The following AGAP1 variants were observed in gnomAD, a reference collection of about 807,000 sequenced individuals.
The protein encoded by AGAP1 is ArfGAP with GTPase domain, ankyrin repeat and PH domain 1.
A neutral mutation model predicts 105.3 loss-of-function variants in AGAP1; 29 were observed. The ratio of observed to expected loss-of-function variants is 0.28; its 90% CI spans 0.21 to 0.38. AGAP1 has a LOEUF of 0.38. AGAP1 is among the 10% of genes least tolerant of loss of function. The probability of loss-of-function intolerance (pLI) is 1.00; values close to 1 mark genes in which losing one functional copy is unlikely to be tolerated. For synonymous variants in AGAP1, 509 were observed against 485.9 expected (o/e 1.05, Z -0.63); for missense variants, 998 against 1,165.1 (o/e 0.86, Z 2.09).
rs2056158089 is a variant in AGAP1 at position 236,002,365 on chromosome 2, C to T, written c.1645+33742C>T. 6.6e-6 allele frequency among the ~76,000 whole-genome samples: 1 copy of T among 152,196 alleles called. No individual in the cohort carries two copies. Among genetic ancestry groups the T allele is most frequent in the African/African-American group, 2.4e-5 (1 of 41,456 alleles). On this transcript the variant is annotated intron_variant, in intron 13 of 17. Coordinates refer to ENST00000304032, the MANE Select transcript of AGAP1 (RefSeq NM_001037131.3). The surrounding 1 kb of genome is among the most constrained non-coding windows in gnomAD (Gnocchi z 4.3). ...GGACAGTCTGCAAATGACTTTCCTTCTTCCCTCATCCCCTTTCCCATCCTC... is the reference window on the plus strand; with the variant it reads ...GGACAGTCTGCAAATGACTTTCCTTTTTCCCTCATCCCCTTTCCCATCCTC...
chr2:235,777,941 C>T lies in AGAP1; in HGVS notation c.674-19818C>T, dbSNP rs189297093. Among the ~76,000 whole-genome samples, 119 of 152,284 alleles carry T rather than the reference C, an allele frequency of 7.8e-4. 2 individuals carry two copies. In the East Asian group the frequency reaches 0.019, roughly 25 times the overall value. On this transcript the variant is annotated intron_variant, in intron 6 of 17. Transcript: ENST00000304032. The surrounding 1 kb of genome is among the most constrained non-coding windows in gnomAD (Gnocchi z 5.1). The stretch of plus-strand genomic sequence containing the variant: ...GTAGTGGTTGGAAGGAGGGGACTTC[C>T]TTGGCCCCTCCTGGCTCTGCCCTGA...
At chr2:236,117,248 C>T (rs1049213787) in intron 16 of AGAP1, among the ~76,000 whole-genome samples, 1 of 152,188 alleles carries the variant, frequency 6.6e-6, no homozygotes, top group Non-Finnish European at 1.5e-5. Flanking sequence ...TACACCACAT[C>T]CACGCCAACA....
chr2:236,023,773 T>G (rs570375161), intron 13 of AGAP1, among the ~76,000 whole-genome samples: 62 of 152,278 alleles, frequency 4.1e-4, no homozygotes, highest in African/African-American at 1.5e-3. Flanking sequence ...TCATCACAGG[T>G]TGCTCATTAA....
intron 12 of AGAP1, among the ~76,000 whole-genome samples, chr2:235,952,251 G>T (rs1478637081): frequency 6.9e-6 from 1 of 145,488 alleles, no homozygotes; most frequent in Non-Finnish European, 1.5e-5. Context: ...AAAATATGCA[G>T]CACAGTCATT....
At position 236,119,813 on chromosome 2, in the gene AGAP1, T is replaced by G. The variant is rs1472295510; in HGVS notation, c.2115-379T>G. 1.3e-5 allele frequency among the ~76,000 whole-genome samples: 2 copies of G among 152,138 alleles called. No homozygotes were observed. The highest frequency in any genetic ancestry group is 4.8e-5 in the African/African-American group (2 of 41,436). On this transcript the variant is annotated intron_variant, in intron 16 of 17. Transcript: ENST00000304032. The surrounding 1 kb of genome is among the most constrained non-coding windows in gnomAD (Gnocchi z 6.6). The stretch of plus-strand genomic sequence containing the variant: ...GGCCTTGAGCCCTCACTTGGTAGTT[T>G]TCTTTCCAAGGACAGCTTCTACACT...
rs1409426514 is a variant in AGAP1 at position 236,124,135 on chromosome 2, C to G, written c.*13C>G. 1 of 1,610,892 alleles carries G rather than the reference C, an allele frequency of 6.2e-7. No homozygotes were observed. Among genetic ancestry groups the G allele is most frequent in the South Asian group, 1.1e-5 (1 of 90,986 alleles). ...CACCATCATCTGAGGAACAGCCGTGCCCGCCTGCTCGCCGCACCTGGGACG... is the reference window on the plus strand; with the variant it reads ...CACCATCATCTGAGGAACAGCCGTGGCCGCCTGCTCGCCGCACCTGGGACG... On this transcript the variant is annotated 3_prime_UTR_variant, in exon 18 of 18. Coordinates refer to ENST00000304032, the MANE Select transcript of AGAP1 (RefSeq NM_001037131.3). This position sits in a 1 kb window ranked among gnomAD's most constrained non-coding sequence, Gnocchi z 5.1.
At position 235,877,538 on chromosome 2, in the gene AGAP1, G is replaced by C. The variant is rs2049805027; in HGVS notation, c.1051-5807G>C. On this transcript the variant is annotated intron_variant, in intron 9 of 17. Transcript: ENST00000304032. The surrounding 1 kb of genome is among the most constrained non-coding windows in gnomAD (Gnocchi z 4.3). ...CGGTGCCTTCCCCGGGGGTTAACTT[G>C]TTCTCAGAGTGAGTGATTTACATGT... Among the ~76,000 whole-genome samples the C allele has an allele frequency of 6.6e-6, 1 of 152,138 alleles. No individual in the cohort carries two copies. The highest frequency in any genetic ancestry group is 1.5e-5 in the Non-Finnish European group (1 of 68,032).
rs934236243 is a variant in AGAP1 at position 235,788,609 on chromosome 2, C to T, written c.674-9150C>T. Reference sequence around the variant, plus strand: ...GAGGAGTGGGAGGGTCCATCGGTGTCGTCAGTGCACATCCCGGTGCTTGGA... The same window carrying T: ...GAGGAGTGGGAGGGTCCATCGGTGTTGTCAGTGCACATCCCGGTGCTTGGA... On this transcript the variant is annotated intron_variant, in intron 6 of 17. Coordinates refer to ENST00000304032, the MANE Select transcript of AGAP1 (RefSeq NM_001037131.3). The surrounding 1 kb of genome is among the most constrained non-coding windows in gnomAD (Gnocchi z 6.0). Among the ~76,000 whole-genome samples the T allele has an allele frequency of 7.2e-5, 11 of 151,810 alleles. No homozygotes were observed. The highest frequency in any genetic ancestry group is 1.3e-4 in the Admixed American group (2 of 15,234).
intron 1 of AGAP1, among the ~76,000 whole-genome samples, chr2:235,495,712 C>T (rs1254905543): frequency 6.6e-6 from 1 of 152,350 alleles, no homozygotes; most frequent in African/African-American, 2.4e-5. Flanking sequence ...GCTCTCATTT[C>T]TCTGTTTCCA....
rs1952002881 is a variant in AGAP1 at position 235,732,385 on chromosome 2, G to A, written c.311-8578G>A. 2.6e-5 allele frequency among the ~76,000 whole-genome samples: 4 copies of A among 152,112 alleles called. No homozygotes were observed. The highest frequency in any genetic ancestry group is 1.9e-4 in the East Asian group (1 of 5,186). Reference sequence around the variant, plus strand: ...TTTATTCATCAGTTCCCCAAATGCCGTTTTGATCCTCAGATCTGGACGTTT... The same window carrying A: ...TTTATTCATCAGTTCCCCAAATGCCATTTTGATCCTCAGATCTGGACGTTT... On this transcript the variant is annotated intron_variant, in intron 3 of 17. Transcript: ENST00000304032. This position sits in a 1 kb window ranked among gnomAD's most constrained non-coding sequence, Gnocchi z 4.8.
intron 9 of AGAP1, among the ~76,000 whole-genome samples, chr2:235,814,793 G>A (rs1357978656): frequency 2.0e-5 from 3 of 152,182 alleles, no homozygotes; most frequent in African/African-American, 4.8e-5. Flanking sequence ...GCTGCGGATG[G>A]AGGGGTTCAG....
Position 235,917,901 on chromosome 2 carries a change from G to A in AGAP1, c.1324+8995G>A, listed in dbSNP as rs566742823. The stretch of plus-strand genomic sequence containing the variant: ...GCTCACACTGCAGACGCGGAGTCGC[G>A]AAGCTGCTGTTTCAGTGGTAATAGC... On this transcript the variant is annotated intron_variant, in intron 11 of 17. Transcript: ENST00000304032. Among the ~76,000 whole-genome samples, 7 of 152,316 alleles carry A rather than the reference G, an allele frequency of 4.6e-5. 1 individual carries two copies. Among genetic ancestry groups the A allele is most frequent in the South Asian group, 4.1e-4 (2 of 4,824 alleles).
Position 236,003,810 on chromosome 2 carries a change from C to T in AGAP1, c.1646-32751C>T, listed in dbSNP as rs1338698519. ...ACTTTTTTTTTTTTCTGGAAGTTTG[C>T]ATGTCCTACACTATCTATAAATATG... On this transcript the variant is annotated intron_variant, in intron 13 of 17. Coordinates refer to ENST00000304032, the MANE Select transcript of AGAP1 (RefSeq NM_001037131.3). The surrounding 1 kb of genome is among the most constrained non-coding windows in gnomAD (Gnocchi z 4.2). Among the ~76,000 whole-genome samples the T allele has an allele frequency of 1.3e-5, 2 of 151,710 alleles. No individual in the cohort carries two copies. Among genetic ancestry groups the T allele is most frequent in the African/African-American group, 2.4e-5 (1 of 41,240 alleles).
intron 1 of AGAP1, chr2:235,670,937 GGCGGCGGGCCCTCGCCACGGA>G: frequency 3.0e-6 from 4 of 1,321,330 alleles, no homozygotes; most frequent in Non-Finnish European, 9.6e-7. Context: ...CGGGGGCCCG[GGCGGCGGGCCCTCGCCACGGA>G]GCGGAGCCTC....
chr2:236,121,383 C>G lies in AGAP1; in HGVS notation c.2370+936C>G, dbSNP rs2059892697. 6.6e-6 allele frequency among the ~76,000 whole-genome samples: 1 copy of G among 152,162 alleles called. No individual in the cohort carries two copies. Among genetic ancestry groups the G allele is most frequent in the South Asian group, 2.1e-4 (1 of 4,830 alleles). On this transcript the variant is annotated intron_variant, in intron 17 of 17. Coordinates refer to ENST00000304032, the MANE Select transcript of AGAP1 (RefSeq NM_001037131.3). The surrounding 1 kb of genome is among the most constrained non-coding windows in gnomAD (Gnocchi z 4.9). ...TGGTGCGATCTCAGCTCACTGCAAC[C>G]TCCGCCTCCCAGGTTCAAGCAATTC...
At position 235,566,584 on chromosome 2, in the gene AGAP1, G is replaced by T. The variant is rs187305430; in HGVS notation, c.163+71735G>T. The T allele has an allele frequency of 2.3e-3, 2,234 of 985,390 alleles. 3 individuals carry two copies. Among genetic ancestry groups the T allele is most frequent in the Non-Finnish European group, 2.5e-3 (2,097 of 829,884 alleles). 61.0% of individuals were successfully genotyped at this position (985,390 alleles called of 1,614,324 possible). On this transcript the variant is annotated intron_variant, in intron 1 of 17. Transcript: ENST00000304032. This position sits in a 1 kb window ranked among gnomAD's most constrained non-coding sequence, Gnocchi z 5.2. ...TGGAACAGAGGACTAGATGACCAGT[G>T]CTGTGAGTGGGCAGGTCTGTCTCCT... is the stretch of plus-strand genomic sequence containing the variant.
At position 235,889,705 on chromosome 2, in the gene AGAP1, A is replaced by G. The variant is rs11687167; in HGVS notation, c.1155+6256A>G. Among the ~76,000 whole-genome samples the G allele has an allele frequency of 0.046, 6,944 of 152,162 alleles. 377 individuals carry two copies. The highest frequency in any genetic ancestry group is 0.13 in the African/African-American group (5,329 of 41,490). ...TACATACCCTTCCTACACCACAGAT[A>G]GAAGATATGGAGGGAAACCTTTTTC... On this transcript the variant is annotated intron_variant, in intron 10 of 17. Transcript: ENST00000304032. This position sits in a 1 kb window ranked among gnomAD's most constrained non-coding sequence, Gnocchi z 4.6.
In AGAP1 at chr2:235,883,423, G is replaced by T. The variant is rs758081071; in HGVS notation, c.1129G>T (p.Val377Leu). The change falls in exon 10 of 18, where the codon GTG becomes TTG. Residue 377 changes from valine to leucine, a missense_variant. Around this residue, in one of 3 missense-constraint regions of AGAP1, gnomAD observed 735 missense variants for 833.4 expected, o/e 0.88. Transcript: ENST00000304032. This position sits in a 1 kb window ranked among gnomAD's most constrained non-coding sequence, Gnocchi z 4.5. ...KKYVTLCDNG[V>L]LTYHPSLHDY... ...ATATGTCACCCTGTGTGACAATGGC[G>T]TGCTGACCTATCATCCCAGTTTACA... is the stretch of plus-strand genomic sequence containing the variant. 6.2e-7 allele frequency: 1 copy of T among 1,614,008 alleles called. No individual in the cohort carries two copies. Among genetic ancestry groups the T allele is most frequent in the Non-Finnish European group, 8.5e-7 (1 of 1,179,972 alleles).
At chr2:235,837,172 A>G (rs757142711) in intron 9 of AGAP1, among the ~76,000 whole-genome samples, 1 of 152,232 alleles carries the variant, frequency 6.6e-6, no homozygotes, top group African/African-American at 2.4e-5. Flanking sequence ...TTTAGTAGAG[A>G]CAGGCTTTCT....
Sources: allele counts gnomAD v4.1 joint callset (sites outside exome capture counted in the v4.1 genomes callset), GRCh38; gene constraint gnomAD v4.1.1; regional missense constraint gnomAD v4.1.1; non-coding constraint Gnocchi (gnomAD v3.1); transcripts MANE v1.5; gene names NCBI Gene and HGNC (gene_info 2026-07-23, HGNC 2026-07-21).